DNAJA4: variants seen among roughly 807,000 people sequenced by gnomAD.
DNAJA4 encodes the protein dnaJ homolog subfamily A member 4.
In DNAJA4, 32 loss-of-function variants were observed where a neutral mutation model predicts 39.7. That is an observed-to-expected ratio of 0.81 (90% CI 0.61 to 1.08). The LOEUF is 1.08. Ranked by LOEUF, DNAJA4 falls within the 50% of genes least tolerant of loss-of-function variation. The pLI is 0.00. For synonymous variants in DNAJA4, 184 were observed against 182.4 expected (o/e 1.01, Z -0.07); for missense variants, 439 against 505.1 (o/e 0.87, Z 1.25).
chr15:78,264,371 G>T, upstream of DNAJA4: 2 of 1,446,264 alleles, frequency 1.4e-6, no homozygotes, highest in Non-Finnish European at 1.8e-6. Context: ...GCAGCCAAAG[G>T]AGCAGACGCC....
At chr15:78,264,920 C>T (rs1353100413) in intron 1 of DNAJA4, 25 bp downstream of exon 1, 1 of 1,562,332 alleles carries the variant, frequency 6.4e-7, no homozygotes, top group Admixed American at 1.8e-5. Context: ...GGGGCACGGG[C>T]CGGGCTCCCG....
In DNAJA4 at chr15:78,270,281, A is replaced by C. The variant is rs1010241587; in HGVS notation, c.133-216A>C. 1.6e-4 allele frequency: 83 copies of C among 508,404 alleles called. No homozygotes were observed. The East Asian group carries it at 2.7e-3, about 16-fold the overall frequency. The allele number at this position is 508,404 out of a possible 1,614,324, so 31.5% of individuals were successfully genotyped here. A position where few individuals can be genotyped will look rare whatever the true frequency, so the allele number is the denominator to read the frequency against. On this transcript the variant is annotated intron_variant, in intron 1 of 6. Coordinates refer to ENST00000394852, the MANE Select transcript of DNAJA4 (RefSeq NM_001130182.2). Reference sequence around the variant, plus strand: ...TCTCCCTTATTCTTATCGTGTCCCTACCACCAGTCCCTTAATATGTTTGCC... The same window carrying C: ...TCTCCCTTATTCTTATCGTGTCCCTCCCACCAGTCCCTTAATATGTTTGCC...
In DNAJA4 at chr15:78,280,709, T is replaced by G; in HGVS notation, c.*249T>G. 2.4e-6 allele frequency: 1 copy of G among 415,552 alleles called. No homozygotes were observed. Among genetic ancestry groups the G allele is most frequent in the Non-Finnish European group, 4.3e-6 (1 of 232,908 alleles). The allele number at this position is 415,552 out of a possible 1,614,324, so 25.7% of individuals were successfully genotyped here. On this transcript the variant is annotated 3_prime_UTR_variant, in exon 7 of 7. Transcript: ENST00000394852. ...ATATGGAATCTGTTCATTTCTATTT[T>G]CAGGATATACTTTTGAGATGTCAGT...
In DNAJA4 at chr15:78,270,552, T is replaced by C; in HGVS notation, c.188T>C (p.Val63Ala). ...EVLSDPKKRD[V>A]YDQGGEQAIK... ...CTTTCAGATCCAAAGAAAAGGGATG[T>C]TTATGACCAAGGCGGAGAGCAGGCA... The change falls in exon 2 of 7, where the codon GTT becomes GCT. Residue 63 changes from valine to alanine, a missense_variant. Physicochemically the swap from Val to Ala is moderately conservative, Grantham distance 64. Transcript: ENST00000394852. 6.2e-7 allele frequency: 1 copy of C among 1,614,202 alleles called. No homozygotes were observed. The highest frequency in any genetic ancestry group is 1.1e-5 in the South Asian group (1 of 91,078).
At chr15:78,272,568 T>A (rs746011981) in intron 2 of DNAJA4, among the ~76,000 whole-genome samples, 1 of 152,210 alleles carries the variant, frequency 6.6e-6, no homozygotes, top group Non-Finnish European at 1.5e-5. Context: ...CCCTGTGGAC[T>A]GAACACCCAC....
At chr15:78,265,209 C>G (rs2049089194) in intron 1 of DNAJA4, among the ~76,000 whole-genome samples, 1 of 152,224 alleles carries the variant, frequency 6.6e-6, no homozygotes, top group Non-Finnish European at 1.5e-5. Flanking sequence ...CGGACTAGTT[C>G]TCATAGGGTG....
At chr15:78,266,379 G>T (rs879128262) in intron 1 of DNAJA4, 1 of 1,209,410 alleles carries the variant, frequency 8.3e-7, no homozygotes, top group Non-Finnish European at 1.2e-6. Flanking sequence ...GACTTGACCT[G>T]TACTACATAT....
chr15:78,277,745 C>G, intron 5 of DNAJA4: 1 of 322,458 alleles, frequency 3.1e-6, no homozygotes, highest in Non-Finnish European at 6.0e-6. Flanking sequence ...GCTGTCTCAG[C>G]TGACCCCAGC....
intron 5 of DNAJA4, among the ~76,000 whole-genome samples, chr15:78,278,834 T>TC (rs1382552949): frequency 1.4e-5 from 2 of 146,154 alleles, no homozygotes; most frequent in African/African-American, 5.0e-5. Context: ...CTATTTTTTT[T>TC]TTTTTTTTTT....
At chr15:78,265,735 C>G (rs1289263881) in intron 1 of DNAJA4, 1 of 685,602 alleles carries the variant, frequency 1.5e-6, no homozygotes, top group East Asian at 2.7e-5. Context: ...TCCCGTTCCT[C>G]CTTTCACTTC....
At position 78,275,713 on chromosome 15, in the gene DNAJA4, AT is replaced by A; in HGVS notation, c.864del (p.Thr289HisfsTer7). On this transcript the variant is annotated frameshift_variant, in exon 5 of 7. Transcript: ENST00000394852. LOFTEE classifies it high-confidence loss of function. ...IKTLDNRILVITSKAGEVIKH... is the reference protein window; with the variant it reads ...IKTLDNRILVXTSKAGEVIKH... ...AACATTGGACAATCGAATTCTTGTT[AT>A]TACATCCAAAGCAGGTAATGTTTCA... 6.2e-7 allele frequency: 1 copy of A among 1,608,002 alleles called. No individual in the cohort carries two copies.
At chr15:78,268,823 T>A (rs2049215313) in intron 1 of DNAJA4, among the ~76,000 whole-genome samples, 1 of 152,092 alleles carries the variant, frequency 6.6e-6, no homozygotes. Context: ...TATGTTGCAG[T>A]GGGGGCTACA....
chr15:78,264,243 C>G, upstream of DNAJA4: 1 of 900,632 alleles, frequency 1.1e-6, no homozygotes, highest in Non-Finnish European at 1.5e-6. Flanking sequence ...GGCAAGGGGG[C>G]GGCCTCGGGG....
intron 6 of DNAJA4, 39 bp from the exon 7 acceptor site, chr15:78,280,206 A>G (rs2046579126): frequency 6.2e-7 from 1 of 1,611,508 alleles, no homozygotes; most frequent in African/African-American, 1.3e-5. Flanking sequence ...TGGAAGGGGA[A>G]AAAACAGCCA....
rs1364444002 is a variant in DNAJA4 at position 78,265,613 on chromosome 15, A to C, written c.132+718A>C. On this transcript the variant is annotated intron_variant, in intron 1 of 6. Transcript: ENST00000394852. ...CTGCATTTTAGAGACAGAAGTTAAAAGCTTTTCCATCCTGTTTACAGAAAG... is the reference window on the plus strand; with the variant it reads ...CTGCATTTTAGAGACAGAAGTTAAACGCTTTTCCATCCTGTTTACAGAAAG... The C allele has an allele frequency of 4.3e-6, 3 of 702,254 alleles. No homozygotes were observed. The Admixed American group carries it at 6.0e-5, about 14-fold the overall frequency. 43.5% of individuals were successfully genotyped at this position (702,254 alleles called of 1,614,324 possible). A position where few individuals can be genotyped will look rare whatever the true frequency, so the allele number is the denominator to read the frequency against.
rs200251175 is a variant in DNAJA4, at chr15:78,280,819, CCCCTAGCAAA to C, written c.*363_*372del. 7 of 192,494 alleles carry C rather than the reference CCCCTAGCAAA, an allele frequency of 3.6e-5. No individual in the cohort carries two copies. In the East Asian group the frequency reaches 9.6e-4, roughly 26 times the overall value. The allele number at this position is 192,494 out of a possible 1,614,324, so 11.9% of individuals were successfully genotyped here. ...GCACAGCCCAGTTAGCAGCTTAGCC[CCCCTAGCAAA>C]CCCCAAGGCACAAAGTGGGCATCCT... On this transcript the variant is annotated 3_prime_UTR_variant, in exon 7 of 7. Transcript: ENST00000394852.
upstream of DNAJA4, chr15:78,264,520 C>T: frequency 8.1e-7 from 1 of 1,235,334 alleles, no homozygotes; most frequent in Non-Finnish European, 1.0e-6. Flanking sequence ...GAAGCTTCCG[C>T]CGGCGCCGAA....
In DNAJA4 at chr15:78,267,148, G is replaced by A. The variant is rs113607999; in HGVS notation, c.132+2253G>A. Among the ~76,000 whole-genome samples the A allele has an allele frequency of 3.0e-3, 262 of 85,914 alleles. 1 individual carries two copies. The highest frequency in any genetic ancestry group is 0.025 in the South Asian group (62 of 2,486). 56.4% of individuals were successfully genotyped at this position (85,914 alleles called of 152,430 possible). ...TTTGTGAGTGTGTATGTGAGTGTGT[G>A]TGTGAGTGTGTATGTGAGTGTGTGA... On this transcript the variant is annotated intron_variant, in intron 1 of 6. Transcript: ENST00000394852.
At chr15:78,266,390 G>A in intron 1 of DNAJA4, 7 of 1,103,644 alleles carry the variant, frequency 6.3e-6, no homozygotes, top group Middle Eastern at 2.0e-4. Context: ...TACTACATAT[G>A]TGTAGGTTTC....
Sources: gnomAD v4.1 joint callset for allele counts (sites outside exome capture counted in the v4.1 genomes callset) on GRCh38, gnomAD v4.1.1 for gene constraint, MANE v1.5 for transcripts, NCBI Gene and HGNC (gene_info 2026-07-23, HGNC 2026-07-21) for gene names.